The following IPO7 variants were observed in gnomAD, a reference collection of about 807,000 sequenced individuals.
The protein encoded by IPO7 is importin 7.
In IPO7, 13 loss-of-function variants were observed where a neutral mutation model predicts 136.4. That is an observed-to-expected ratio of 0.10 (90% CI 0.06 to 0.15). The LOEUF (loss-of-function observed/expected upper bound fraction) is 0.15. IPO7 is among the 10% of genes least tolerant of loss of function. The pLI is 1.00. For synonymous variants in IPO7, 403 were observed against 404.4 expected (o/e 1.00, Z 0.04); for missense variants, 857 against 1,240.6 (o/e 0.69, Z 4.65).
chr11:9,425,291 G>A (rs201277901), intron 12 of IPO7, 29 bp downstream of exon 12: 2 of 1,224,764 alleles, frequency 1.6e-6, no homozygotes, highest in East Asian at 2.3e-5. Context: ...GTATGTGCAT[G>A]ACTATGCAAG....
intron 24 of IPO7, among the ~76,000 whole-genome samples, chr11:9,444,438 A>G (rs1855500282): frequency 6.6e-6 from 1 of 151,732 alleles, no homozygotes; most frequent in Admixed American, 6.6e-5. Context: ...ATCTCGGCTC[A>G]CTGCCACCTC....
At chr11:9,408,986 A>G (rs1046247616) in intron 3 of IPO7, among the ~76,000 whole-genome samples, 1 of 151,928 alleles carries the variant, frequency 6.6e-6, no homozygotes, top group Non-Finnish European at 1.5e-5. Context: ...TGCTGGGATT[A>G]CAGGCGTGAA....
At chr11:9,400,531 C>T (rs1003713613) in intron 1 of IPO7, among the ~76,000 whole-genome samples, 2 of 152,062 alleles carry the variant, frequency 1.3e-5, no homozygotes, top group African/African-American at 4.8e-5. Context: ...ACACCATTCT[C>T]CTGCCTCAGC....
intron 6 of IPO7, among the ~76,000 whole-genome samples, chr11:9,419,598 T>C (rs965890778): frequency 2.1e-5 from 3 of 145,644 alleles, no homozygotes; most frequent in African/African-American, 7.6e-5. Flanking sequence ...GTTATGGATG[T>C]CTTAGGTTAT....
chr11:9,437,268 A>AT (rs1855389846), intron 20 of IPO7, among the ~76,000 whole-genome samples: 1 of 148,460 alleles, frequency 6.7e-6, no homozygotes, highest in Non-Finnish European at 1.5e-5. Context: ...TATTTCATAT[A>AT]TTTTTTTGAG....
intron 16 of IPO7, chr11:9,433,277 C>T (rs961432854): frequency 1.2e-4 from 40 of 324,674 alleles, no homozygotes; most frequent in African/African-American, 5.6e-4. Context: ...TGAGCCACCG[C>T]GCCCGGCCAA....
chr11:9,430,023 C>T (rs1039653957), intron 15 of IPO7, among the ~76,000 whole-genome samples, 189 bp downstream of exon 15: 1 of 152,142 alleles, frequency 6.6e-6, no homozygotes, highest in Non-Finnish European at 1.5e-5. Flanking sequence ...AACTGTTCCA[C>T]CTCTTATCAG....
chr11:9,433,456 AT>A (rs376822186), intron 16 of IPO7, 113 bp from the exon 17 acceptor site: 8 of 675,008 alleles, frequency 1.2e-5, no homozygotes, highest in African/African-American at 5.4e-5. Flanking sequence ...ACAAAGACTT[AT>A]TTTTTTCACA....
intron 6 of IPO7, among the ~76,000 whole-genome samples, chr11:9,419,300 A>G (rs1855089600): frequency 6.6e-6 from 1 of 152,136 alleles, no homozygotes; most frequent in Non-Finnish European, 1.5e-5. Flanking sequence ...CTGTAATCAC[A>G]GCACTTTGGG....
chr11:9,392,139 A>G (rs1854641934), intron 1 of IPO7: 1 of 372,814 alleles, frequency 2.7e-6, no homozygotes, highest in African/African-American at 2.2e-5. Context: ...TCATGTAGCC[A>G]AGGTAGATGT....
At chr11:9,414,619 CTTTTTTTTTTTTTTTT>C in intron 5 of IPO7, 2 of 69,840 alleles carry the variant, frequency 2.9e-5, no homozygotes, top group Middle Eastern at 0.01. Context: ...CCTAATGAAT[CTTTTTTTTTTTTTTTT>C]TTTTTTTTTT....
chr11:9,425,791 A>G (rs991266089), intron 12 of IPO7, among the ~76,000 whole-genome samples: 5 of 151,786 alleles, frequency 3.3e-5, no homozygotes, highest in African/African-American at 1.2e-4. Flanking sequence ...AGGCAGGAGA[A>G]TGGCTTGAAC....
intron 8 of IPO7, among the ~76,000 whole-genome samples, chr11:9,421,071 G>A (rs1376689992): frequency 6.6e-6 from 1 of 151,882 alleles, no homozygotes; most frequent in African/African-American, 2.4e-5. Context: ...CGATTCTCCT[G>A]CCTCATCAGC....
At chr11:9,389,855 G>A (rs1367216723) in intron 1 of IPO7, among the ~76,000 whole-genome samples, 1 of 151,886 alleles carries the variant, frequency 6.6e-6, no homozygotes, top group Non-Finnish European at 1.5e-5. Flanking sequence ...CATCTCCCGG[G>A]TTCAGGCAAT....
At chr11:9,409,859 C>T (rs1854944143) in intron 3 of IPO7, 69 bp from the exon 4 acceptor site, 11 of 1,198,168 alleles carry the variant, frequency 9.2e-6, no homozygotes, top group African/African-American at 7.9e-5. Flanking sequence ...CAGCTATTTT[C>T]CTTTCTATGG....
At chr11:9,435,522 A>G (rs977510008) in intron 19 of IPO7, among the ~76,000 whole-genome samples, 3 of 152,242 alleles carry the variant, frequency 2.0e-5, no homozygotes, top group African/African-American at 4.8e-5. Flanking sequence ...GTAGGTCGTT[A>G]GAAAATGATT....
intron 1 of IPO7, among the ~76,000 whole-genome samples, chr11:9,394,027 C>T (rs545237041): frequency 1.4e-4 from 21 of 152,150 alleles, no homozygotes; most frequent in Non-Finnish European, 2.8e-4. Flanking sequence ...GGACTACAAG[C>T]GTGCGCCACC....
chr11:9,424,604 C>T (rs1037904438), intron 10 of IPO7, among the ~76,000 whole-genome samples: 1 of 152,014 alleles, frequency 6.6e-6, no homozygotes, highest in African/African-American at 2.4e-5. Flanking sequence ...ATTAGCCGGG[C>T]GTGGTGGCAG....
intron 6 of IPO7, among the ~76,000 whole-genome samples, chr11:9,418,321 A>G (rs566798175): frequency 1.7e-4 from 25 of 148,360 alleles, no homozygotes; most frequent in Non-Finnish European, 3.0e-4. Context: ...CACCCGCCTC[A>G]GCCTCCCAAA....
Sources: allele counts gnomAD v4.1 joint callset (sites outside exome capture counted in the v4.1 genomes callset), GRCh38; gene constraint gnomAD v4.1.1; transcripts MANE v1.5; gene names NCBI Gene and HGNC (gene_info 2026-07-23, HGNC 2026-07-21).